ERC2: variants seen among roughly 807,000 people sequenced by gnomAD.
ERC2 encodes the protein ERC protein 2.
A neutral mutation model predicts 114.8 loss-of-function variants in ERC2; 42 were observed. That is an observed-to-expected ratio of 0.37 (90% confidence interval 0.29 to 0.47). The LOEUF (loss-of-function observed/expected upper bound fraction) is 0.47. Among genes scored for constraint, ERC2 ranks in the 20% least tolerant of loss-of-function variants. The pLI is 0.99. For missense variants in ERC2, 939 were observed against 1,150.7 expected (o/e 0.82, Z 2.66); for synonymous variants, 454 against 425.5 (o/e 1.07, Z -0.82).
chr3:56,209,292 C>T (rs1019440480), intron 3 of ERC2, among the ~76,000 whole-genome samples: 1 of 152,178 alleles, frequency 6.6e-6, no homozygotes, highest in Non-Finnish European at 1.5e-5. Flanking sequence ...TGGCCTGCTT[C>T]CTGACTCTAT....
chr3:55,866,850 C>T (rs920762425), intron 14 of ERC2, among the ~76,000 whole-genome samples: 8 of 152,208 alleles, frequency 5.3e-5, no homozygotes, highest in African/African-American at 1.7e-4. Flanking sequence ...AGCTTCAAAG[C>T]TTGTTCATCA....
At chr3:55,895,179 T>C (rs1258921459) in intron 13 of ERC2, among the ~76,000 whole-genome samples, 1 of 152,224 alleles carries the variant, frequency 6.6e-6, no homozygotes, top group East Asian at 1.9e-4. Flanking sequence ...TTTCCCAAAC[T>C]TGGTTTAAGA....
intron 16 of ERC2, among the ~76,000 whole-genome samples, chr3:55,686,080 C>CAG (rs753189829): frequency 5.2e-4 from 79 of 152,136 alleles, no homozygotes; most frequent in Non-Finnish European, 1.1e-3. Context: ...ATGATTGAAA[C>CAG]AGACAGGAGT....
chr3:56,033,778 C>T (rs72867626), intron 7 of ERC2, among the ~76,000 whole-genome samples: 4,406 of 152,180 alleles, frequency 0.029, 218 homozygotes, highest in African/African-American at 0.1. Context: ...TCCCTCTCAG[C>T]CTACAAGATT....
intron 17 of ERC2, among the ~76,000 whole-genome samples, chr3:55,535,394 AT>A (rs1313382055): frequency 6.6e-6 from 1 of 152,220 alleles, no homozygotes; most frequent in Non-Finnish European, 1.5e-5. Flanking sequence ...GTCCAGGAAT[AT>A]TATTTTTAGA....
At chr3:56,397,575 C>A (rs2060359630) in intron 2 of ERC2, among the ~76,000 whole-genome samples, 1 of 152,090 alleles carries the variant, frequency 6.6e-6, no homozygotes, top group South Asian at 2.1e-4. Context: ...GTTAACAACA[C>A]CTTATTATTT....
chr3:56,289,396 C>T (rs992522037), intron 3 of ERC2, among the ~76,000 whole-genome samples: 6 of 152,280 alleles, frequency 3.9e-5, no homozygotes, highest in Admixed American at 6.5e-5. Context: ...GTTCTCTTCC[C>T]ATCCAATCCA....
chr3:55,913,882 C>G (rs925627608), intron 13 of ERC2, among the ~76,000 whole-genome samples: 35 of 152,308 alleles, frequency 2.3e-4, no homozygotes, highest in African/African-American at 7.9e-4. Context: ...CAATAAAAGA[C>G]CACTCTGTAC....
At chr3:56,281,058 G>A (rs1223833794) in intron 3 of ERC2, among the ~76,000 whole-genome samples, 1 of 152,150 alleles carries the variant, frequency 6.6e-6, no homozygotes, top group African/African-American at 2.4e-5. Flanking sequence ...TTCTTAAGTT[G>A]TCCAAAAAGC....
chr3:56,292,769 GCCATGGGTCTTT>G (rs2055178073), intron 3 of ERC2, among the ~76,000 whole-genome samples: 1 of 152,038 alleles, frequency 6.6e-6, no homozygotes, highest in South Asian at 2.1e-4. Context: ...TACCTCCTAG[GCCATGGGTCTTT>G]CCATCTGAGT....
At chr3:55,609,615 AAGC>A (rs2058799645) in intron 17 of ERC2, among the ~76,000 whole-genome samples, 1 of 152,106 alleles carries the variant, frequency 6.6e-6, no homozygotes, top group Non-Finnish European at 1.5e-5. Flanking sequence ...ACACTGGAGA[AAGC>A]AGGAAGAGCG....
intron 17 of ERC2, among the ~76,000 whole-genome samples, chr3:55,605,792 C>T (rs918511419): frequency 6.6e-6 from 1 of 152,196 alleles, no homozygotes; most frequent in African/African-American, 2.4e-5. Context: ...AGGAATAAAA[C>T]TCATCATGGC....
At chr3:56,442,680 G>A (rs2062374599) in intron 1 of ERC2, among the ~76,000 whole-genome samples, 1 of 152,174 alleles carries the variant, frequency 6.6e-6, no homozygotes, top group Admixed American at 6.5e-5. Flanking sequence ...TATGTATTGG[G>A]ACTGTCCCAA....
At chr3:56,105,581 G>A (rs1222824454) in intron 6 of ERC2, among the ~76,000 whole-genome samples, 1 of 152,196 alleles carries the variant, frequency 6.6e-6, no homozygotes, top group Non-Finnish European at 1.5e-5. Context: ...TTTCCAAAGT[G>A]TTGGGATTAT....
At chr3:56,238,495 T>A (rs1457650735) in intron 3 of ERC2, among the ~76,000 whole-genome samples, 2 of 151,972 alleles carry the variant, frequency 1.3e-5, no homozygotes, top group Non-Finnish European at 2.9e-5. Context: ...AGCCCAGGAG[T>A]CTTGGGCGTG....
intron 5 of ERC2, among the ~76,000 whole-genome samples, chr3:56,148,027 T>C (rs943488389): frequency 1.3e-5 from 2 of 152,108 alleles, no homozygotes; most frequent in South Asian, 4.1e-4. Context: ...TAGCAATAGA[T>C]AACAATAATA....
intron 14 of ERC2, among the ~76,000 whole-genome samples, chr3:55,783,116 C>G (rs1056936931): frequency 1.3e-5 from 2 of 152,146 alleles, no homozygotes; most frequent in Admixed American, 1.3e-4. Flanking sequence ...ATAATTCTCA[C>G]CAAATGCTCC....
intron 4 of ERC2, among the ~76,000 whole-genome samples, chr3:56,153,065 T>G (rs760237896): frequency 9.2e-5 from 14 of 152,162 alleles, no homozygotes; most frequent in Non-Finnish European, 1.5e-4. Flanking sequence ...ATTTCTTCCT[T>G]TTCTCTCTCT....
intron 2 of ERC2, among the ~76,000 whole-genome samples, chr3:56,317,581 C>T (rs1312973776): frequency 1.3e-5 from 2 of 152,070 alleles, no homozygotes; most frequent in Non-Finnish European, 2.9e-5. Flanking sequence ...ACTAAAATTG[C>T]CTGCAAATTA....
Sources: gnomAD v4.1 joint callset for allele counts (sites outside exome capture counted in the v4.1 genomes callset) on GRCh38, gnomAD v4.1.1 for gene constraint, MANE v1.5 for transcripts, NCBI Gene and HGNC (gene_info 2026-07-23, HGNC 2026-07-21) for gene names.